Variants in XRRA1 observed in about 807,000 individuals in gnomAD.
XRRA1 encodes X-ray radiation resistance associated 1, also known as X-ray radiation resistance-associated protein 1.
Under a neutral mutation model 80.2 loss-of-function variants are expected in XRRA1, and 69 were observed. The observed-to-expected ratio is 0.86, with a 90% CI of 0.71 to 1.05. XRRA1 has a LOEUF of 1.05. XRRA1 is among the 50% of genes least tolerant of loss of function. The pLI, the probability that XRRA1 is intolerant of heterozygous loss-of-function variation, is 0.00. For missense variants in XRRA1, 967 were observed against 976.4 expected (o/e 0.99, Z 0.13); for synonymous variants, 348 against 389.9 (o/e 0.89, Z 1.27).
At chr11:74,924,276 C>T (rs1026255946) in intron 7 of XRRA1, among the ~76,000 whole-genome samples, 125 of 148,286 alleles carry the variant, frequency 8.4e-4, no homozygotes, top group African/African-American at 3.0e-3. Flanking sequence ...GAGATCGAGA[C>T]CATCCTGGCT....
In XRRA1 at chr11:74,851,118, A is replaced by G. The variant is rs1178559002; in HGVS notation, c.1350T>C (p.His450=). ...IRRKIVKPKH[H]VLMSRKESWK... ...ATGATTCCTTCCGAGACATCAAAAC[A>G]TGATGCTTAGGCTTTACTATCTTCC... The change falls in exon 14 of 19, where the codon CAT becomes CAC. Residue 450 remains histidine (H), a synonymous_variant. Coordinates refer to ENST00000684022, the MANE Select transcript of XRRA1 (RefSeq NM_001378157.1). 3 of 1,612,356 alleles carry G rather than the reference A, an allele frequency of 1.9e-6. No homozygotes were observed. The highest frequency in any genetic ancestry group is 1.1e-5 in the South Asian group (1 of 90,968).
In XRRA1 at chr11:74,889,459, G is replaced by GT. The variant is rs1591068634; in HGVS notation, c.1003+16779dup. Among the ~76,000 whole-genome samples the GT allele has an allele frequency of 3.3e-5, 5 of 152,304 alleles. No individual in the cohort carries two copies. The East Asian group carries it at 9.6e-4, about 29-fold the overall frequency. The stretch of plus-strand genomic sequence containing the variant: ...AGCCACTGCAAAAACATGCCAAATT[G>GT]TAAAGACTATCGAGGCTAGGAAGAA... On this transcript the variant is annotated intron_variant, in intron 10 of 18. Transcript: ENST00000684022.
chr11:74,941,500 A>G (rs1032172987), intron 2 of XRRA1, among the ~76,000 whole-genome samples: 1 of 152,140 alleles, frequency 6.6e-6, no homozygotes, highest in Admixed American at 6.6e-5. Context: ...AAACAATGTG[A>G]CCCAAGAAGG....
chr11:74,858,885 GGGCAGAGA>G (rs768126709), intron 12 of XRRA1, among the ~76,000 whole-genome samples: 3 of 152,110 alleles, frequency 2.0e-5, no homozygotes, highest in Non-Finnish European at 4.4e-5. Flanking sequence ...AGTTGCAAAA[GGGCAGAGA>G]GGCCAAGTCT....
chr11:74,921,144 C>A, intron 8 of XRRA1, 70 bp downstream of exon 8: 2 of 1,567,010 alleles, frequency 1.3e-6, no homozygotes, highest in Non-Finnish European at 1.7e-6. Context: ...GCACTTCAAG[C>A]TGCTATGGGC....
At chr11:74,940,986 G>C in intron 2 of XRRA1, 104 bp from the exon 3 acceptor site, 1 of 784,652 alleles carries the variant, frequency 1.3e-6, no homozygotes, top group East Asian at 2.7e-5. Flanking sequence ...CACCACACCC[G>C]CACACACCCT....
In XRRA1 at chr11:74,936,981, CT is replaced by C; in HGVS notation, c.181del (p.Ser61AlafsTer2). The C allele has an allele frequency of 1.9e-6, 3 of 1,613,882 alleles. No individual in the cohort carries two copies. The highest frequency in any genetic ancestry group is 2.5e-6 in the Non-Finnish European group (3 of 1,179,856). ...GAACTCAAAAGAAGTCGCCTTCAGGCTTTCCCGACGTTCAGCTTGTGCTCCA... is the reference window on the plus strand; with the variant it reads ...GAACTCAAAAGAAGTCGCCTTCAGGCTTCCCGACGTTCAGCTTGTGCTCCA... Reference protein sequence around the residue: ...LVGAQAERRESLKATSFEFKG... With the variant: ...LVGAQAERREXLKATSFEFKG... On this transcript the variant is annotated frameshift_variant, in exon 4 of 19. Transcript: ENST00000684022. LOFTEE classifies it high-confidence loss of function.
chr11:74,891,778 A>C, intron 10 of XRRA1, among the ~76,000 whole-genome samples: 1 of 152,220 alleles, frequency 6.6e-6, no homozygotes, highest in Non-Finnish European at 1.5e-5. Context: ...ACAGAGAGCC[A>C]AATCATGAGT....
chr11:74,925,961 G>C (rs1368061625), intron 7 of XRRA1, among the ~76,000 whole-genome samples: 1 of 152,144 alleles, frequency 6.6e-6, no homozygotes, highest in Non-Finnish European at 1.5e-5. Flanking sequence ...TGTATCTCTA[G>C]ACCATCTGAA....
At chr11:74,936,036 A>G (rs1944903589) in intron 4 of XRRA1, among the ~76,000 whole-genome samples, 1 of 152,188 alleles carries the variant, frequency 6.6e-6, no homozygotes, top group African/African-American at 2.4e-5. Context: ...GTGAGATGAA[A>G]CCAACAAAGT....
At position 74,940,854 on chromosome 11, in the gene XRRA1, G is replaced by A. The variant is rs201378132; in HGVS notation, c.25C>T (p.Leu9=). MAFSGIYK[L]DDGKPYLNNC... ...TTCAGGTAAGGCTTCCCATCATCCA[G>A]CTTGTAGATTCCTGAGAAGGCCATC... Residue 9 remains leucine, a synonymous_variant, in exon 3 of 19, where the codon CTG becomes TTG. Coordinates refer to ENST00000684022, the MANE Select transcript of XRRA1 (RefSeq NM_001378157.1). The A allele has an allele frequency of 3.8e-4, 612 of 1,609,086 alleles. 2 individuals carry two copies. The highest frequency in any genetic ancestry group is 8.3e-4 in the Middle Eastern group (5 of 6,050).
At chr11:74,900,597 A>G (rs1302559980) in intron 10 of XRRA1, among the ~76,000 whole-genome samples, 2 of 150,690 alleles carry the variant, frequency 1.3e-5, no homozygotes, top group Non-Finnish European at 3.0e-5. Context: ...AAAAAAAAAA[A>G]TCATTAATTA....
intron 10 of XRRA1, chr11:74,863,274 CT>C (rs2042700445): frequency 2.0e-6 from 1 of 512,302 alleles, no homozygotes. Flanking sequence ...GATTGGGCCC[CT>C]GCCTACTTCT....
At chr11:74,890,789 A>G (rs2050463837) in intron 10 of XRRA1, among the ~76,000 whole-genome samples, 1 of 152,358 alleles carries the variant, frequency 6.6e-6, no homozygotes, top group East Asian at 1.9e-4. Flanking sequence ...ATGCAAATAA[A>G]CTAGAAAATC....
At chr11:74,887,687 G>A (rs1170669521) in intron 10 of XRRA1, among the ~76,000 whole-genome samples, 1 of 152,194 alleles carries the variant, frequency 6.6e-6, no homozygotes, top group Non-Finnish European at 1.5e-5. Flanking sequence ...AGAAAGGGGT[G>A]ACAGACGGCA....
chr11:74,852,824 A>T (rs2040208456), intron 12 of XRRA1, among the ~76,000 whole-genome samples: 2 of 152,332 alleles, frequency 1.3e-5, no homozygotes, highest in African/African-American at 4.8e-5. Context: ...TATCAGGGAC[A>T]TCAGGATCGA....
At chr11:74,938,706 A>G (rs1352377013) in intron 3 of XRRA1, among the ~76,000 whole-genome samples, 1 of 152,214 alleles carries the variant, frequency 6.6e-6, no homozygotes, top group Non-Finnish European at 1.5e-5. Context: ...AATGAATTGA[A>G]AGACATTAAG....
In XRRA1 at chr11:74,862,967, TA is replaced by T; in HGVS notation, c.1044+13del. On this transcript the variant is annotated intron_variant, in intron 11 of 18. Transcript: ENST00000684022. ...CTAACTCAGGAACACAAATATAAAG[TA>T]GTCAGTTCCTACCTCTGAGGTTGAA... 1 of 1,581,714 alleles carries T rather than the reference TA, an allele frequency of 6.3e-7. No homozygotes were observed. The highest frequency in any genetic ancestry group is 8.6e-7 in the Non-Finnish European group (1 of 1,161,050).
At chr11:74,909,417 A>G (rs192093333) in intron 8 of XRRA1, among the ~76,000 whole-genome samples, 15 of 152,328 alleles carry the variant, frequency 9.8e-5, no homozygotes, top group East Asian at 1.9e-4. Context: ...CTCTAGTGAA[A>G]TATGAAACAG....
Sources: gnomAD v4.1 joint callset for allele counts (sites outside exome capture counted in the v4.1 genomes callset) on GRCh38, gnomAD v4.1.1 for gene constraint, MANE v1.5 for transcripts, NCBI Gene and HGNC (gene_info 2026-07-23, HGNC 2026-07-21) for gene names.